Variants in DUSP22 observed in about 807,000 individuals in gnomAD.
DUSP22 encodes dual specificity protein phosphatase 22.
DUSP22 carries 24 observed loss-of-function variants against 24.5 expected under a neutral mutation model. That is an observed-to-expected ratio of 0.98 (90% CI 0.71 to 1.38). The LOEUF (loss-of-function observed/expected upper bound fraction) is 1.38, where lower values mean the gene tolerates loss of function less well. Among genes scored for constraint, DUSP22 ranks in the 40% most tolerant of loss-of-function variants. The pLI, the probability that DUSP22 is intolerant of heterozygous loss-of-function variation, is 0.00. For missense variants in DUSP22, 330 were observed against 269.2 expected (o/e 1.23, Z -1.58); for synonymous variants, 160 against 106.4 (o/e 1.50, Z -3.10).
At chr6:296,864 G>A (rs988768049) in intron 1 of DUSP22, among the ~76,000 whole-genome samples, 8 of 152,296 alleles carry the variant, frequency 5.3e-5, no homozygotes, top group African/African-American at 1.7e-4. Context: ...GACTGCCAGG[G>A]TTCGTTTAGC....
At chr6:328,620 GTTA>G (rs1431379595) in intron 3 of DUSP22, among the ~76,000 whole-genome samples, 1 of 152,308 alleles carries the variant, frequency 6.6e-6, no homozygotes, top group African/African-American at 2.4e-5. Flanking sequence ...GTTCTTGGAA[GTTA>G]TTATTTGTAG....
At chr6:341,283 A>G (rs1759595722) in intron 4 of DUSP22, among the ~76,000 whole-genome samples, 1 of 152,304 alleles carries the variant, frequency 6.6e-6, no homozygotes, top group Non-Finnish European at 1.5e-5. Context: ...TGCCGATGAA[A>G]CGGAGAGCAG....
intron 4 of DUSP22, among the ~76,000 whole-genome samples, chr6:343,336 C>A (rs1307118574): frequency 1.3e-5 from 2 of 152,306 alleles, no homozygotes; most frequent in African/African-American, 4.8e-5. Context: ...GGTGCCTGCC[C>A]TCCTTGCAGG....
At chr6:314,786 CAGGGGATGTAAGTA>C (rs1758267916) in intron 3 of DUSP22, among the ~76,000 whole-genome samples, 2 of 152,302 alleles carry the variant, frequency 1.3e-5, no homozygotes, top group Admixed American at 1.3e-4. Context: ...CTGTGAAATC[CAGGGGATGTAAGTA>C]AGGAGGCTCC....
chr6:324,173 T>C (rs1040594421), intron 3 of DUSP22, among the ~76,000 whole-genome samples: 2 of 152,308 alleles, frequency 1.3e-5, no homozygotes, highest in African/African-American at 2.4e-5. Context: ...CCAGTGAGTG[T>C]CCTCTAGCCT....
At chr6:348,600 C>T in intron 6 of DUSP22, 169 bp from the exon 7 acceptor site, 2 of 1,192,278 alleles carry the variant, frequency 1.7e-6, no homozygotes, top group South Asian at 3.0e-5. Flanking sequence ...GCAGTTCCTT[C>T]TCTTGCTTGA....
intron 4 of DUSP22, among the ~76,000 whole-genome samples, chr6:337,783 T>A (rs1456691374): frequency 1.3e-5 from 2 of 152,304 alleles, no homozygotes; most frequent in Non-Finnish European, 2.9e-5. Context: ...CTCCTACCCT[T>A]TTAATTAGTT....
At position 335,137 on chromosome 6, in the gene DUSP22, A is replaced by G. The variant is rs781632161; in HGVS notation, c.162A>G (p.Pro54=). The G allele has an allele frequency of 2.5e-6, 4 of 1,613,934 alleles. No individual in the cohort carries two copies. In the South Asian group the frequency reaches 4.4e-5, roughly 18 times the overall value. ...MLEGVKYLCI[P]AADSPSQNLT... ...AGGGAGTTAAATACCTGTGCATCCC[A>G]GCAGCGGATTCACCATCTCAAAACC... The change falls in exon 4 of 7, where the codon CCA becomes CCG. Residue 54 remains proline, a synonymous_variant. Transcript: ENST00000419235.
Position 329,378 on chromosome 6 carries a change from G to A in DUSP22, c.139-5736G>A, listed in dbSNP as rs904642541. ...AGGAGAATGAAAAAGTCCTGGAGACGGGTGAGGTGATGGCTGCACAACAGT... is the reference window on the plus strand; with the variant it reads ...AGGAGAATGAAAAAGTCCTGGAGACAGGTGAGGTGATGGCTGCACAACAGT... On this transcript the variant is annotated intron_variant, in intron 3 of 6. Transcript: ENST00000419235. Among the ~76,000 whole-genome samples the A allele has an allele frequency of 2.0e-5, 3 of 152,428 alleles. No individual in the cohort carries two copies. In the East Asian group the frequency reaches 5.8e-4, roughly 29 times the overall value.
At chr6:321,503 G>T (rs554830329) in intron 3 of DUSP22, among the ~76,000 whole-genome samples, 3 of 152,422 alleles carry the variant, frequency 2.0e-5, no homozygotes, top group Admixed American at 1.3e-4. Context: ...ATGAGGGTCT[G>T]AACTGGGATG....
At chr6:314,932 C>T (rs1323709992) in intron 3 of DUSP22, among the ~76,000 whole-genome samples, 1 of 152,304 alleles carries the variant, frequency 6.6e-6, no homozygotes, top group Non-Finnish European at 1.5e-5. Flanking sequence ...GCATTCATAG[C>T]ATCTTGTACT....
chr6:350,537 C>T lies in DUSP22; in HGVS notation c.*1586C>T, dbSNP rs1426702394. 21 of 1,337,330 alleles carry T rather than the reference C, an allele frequency of 1.6e-5. No homozygotes were observed. Among genetic ancestry groups the T allele is most frequent in the Middle Eastern group, 2.9e-4 (1 of 3,508 alleles). The allele number at this position is 1,337,330 out of a possible 1,614,324, so 82.8% of individuals were successfully genotyped here. Reference sequence around the variant, plus strand: ...TGTCAAAGGTGAGCTTTTTGGGGACCGGGAAAAACAAAGTTGCCTGATTCC... The same window carrying T: ...TGTCAAAGGTGAGCTTTTTGGGGACTGGGAAAAACAAAGTTGCCTGATTCC... On this transcript the variant is annotated 3_prime_UTR_variant, in exon 7 of 7. Transcript: ENST00000419235.
chr6:346,678 C>T (rs1212309901), intron 5 of DUSP22, among the ~76,000 whole-genome samples: 1 of 152,304 alleles, frequency 6.6e-6, no homozygotes, highest in Non-Finnish European at 1.5e-5. Flanking sequence ...GACATGTCCC[C>T]TCTCTGTCTT....
intron 3 of DUSP22, among the ~76,000 whole-genome samples, chr6:316,231 A>G (rs1183533523): frequency 2.0e-5 from 3 of 152,302 alleles, no homozygotes; most frequent in Non-Finnish European, 2.9e-5. Context: ...AGGCCTTCTC[A>G]CTACAGAGGC....
intron 2 of DUSP22, among the ~76,000 whole-genome samples, chr6:306,669 G>A (rs1464807605): frequency 9.2e-5 from 14 of 152,310 alleles, no homozygotes; most frequent in Non-Finnish European, 1.8e-4. Flanking sequence ...GTGAATTGGC[G>A]AGTGGCTCGA....
chr6:341,224 T>C (rs1436373131), intron 4 of DUSP22, among the ~76,000 whole-genome samples: 2 of 152,300 alleles, frequency 1.3e-5, no homozygotes, highest in Non-Finnish European at 2.9e-5. Flanking sequence ...GCTGGCTCTC[T>C]GTGGACTGAG....
At chr6:342,688 G>A (rs1177124879) in intron 4 of DUSP22, among the ~76,000 whole-genome samples, 8 of 152,284 alleles carry the variant, frequency 5.3e-5, no homozygotes, top group African/African-American at 1.9e-4. Context: ...TTGGCAGCAG[G>A]TGGTGCAGCT....
Position 350,236 on chromosome 6 carries a change from T to G in DUSP22, c.*1285T>G. 1 of 988,008 alleles carries G rather than the reference T, an allele frequency of 1.0e-6. No homozygotes were observed. The allele number at this position is 988,008 out of a possible 1,614,324, so 61.2% of individuals were successfully genotyped here. Reference sequence around the variant, plus strand: ...GCTATTTAAAGTTGCCAGTTTGGGCTCCAGTAATGCTTTCTGGTGGGTAAA... The same window carrying G: ...GCTATTTAAAGTTGCCAGTTTGGGCGCCAGTAATGCTTTCTGGTGGGTAAA... On this transcript the variant is annotated 3_prime_UTR_variant, in exon 7 of 7. Coordinates refer to ENST00000419235, the MANE Select transcript of DUSP22 (RefSeq NM_001286555.3).
At chr6:326,078 C>T (rs1361164301) in intron 3 of DUSP22, 8 of 236,448 alleles carry the variant, frequency 3.4e-5, no homozygotes, top group African/African-American at 2.0e-4. Context: ...GTCATCTGCC[C>T]TGGGCTTCCC....
Sources: gnomAD v4.1 joint callset for allele counts (sites outside exome capture counted in the v4.1 genomes callset) on GRCh38, gnomAD v4.1.1 for gene constraint, MANE v1.5 for transcripts, NCBI Gene and HGNC (gene_info 2026-07-23, HGNC 2026-07-21) for gene names.